Variants in NELL1 observed in about 807,000 individuals in gnomAD.
The protein encoded by NELL1 is protein kinase C-binding protein NELL1.
Under a neutral mutation model 107.4 loss-of-function variants are expected in NELL1, and 76 were observed. That is an observed-to-expected ratio of 0.71 (90% CI 0.59 to 0.86). The LOEUF is 0.86. NELL1 is among the 40% of genes least tolerant of loss of function. NELL1 has a pLI of 0.00. For missense variants in NELL1, 1,024 were observed against 1,005.5 expected, an observed-to-expected ratio of 1.02 and a Z score of -0.25; for synonymous variants, 353 against 341.2, an observed-to-expected ratio of 1.03 and a Z score of -0.38.
intron 2 of NELL1, among the ~76,000 whole-genome samples, chr11:20,721,531 A>G (rs1855388599): frequency 6.6e-6 from 1 of 152,144 alleles, no homozygotes; most frequent in Admixed American, 6.6e-5. Context: ...ACTGGCATTT[A>G]AAGCTACTGC....
intron 15 of NELL1, among the ~76,000 whole-genome samples, chr11:21,486,185 T>C (rs935533021): frequency 3.9e-5 from 6 of 152,070 alleles, no homozygotes; most frequent in Non-Finnish European, 1.5e-5. Flanking sequence ...CTGCCTGGAC[T>C]TACGAACACT....
At chr11:20,984,872 C>A (rs538138060) in intron 12 of NELL1, among the ~76,000 whole-genome samples, 1 of 152,152 alleles carries the variant, frequency 6.6e-6, no homozygotes, top group East Asian at 1.9e-4. Context: ...CTTAGAGTCC[C>A]CAAATAGCAT....
chr11:20,879,913 T>C (rs1486735592), intron 4 of NELL1, among the ~76,000 whole-genome samples: 1 of 152,180 alleles, frequency 6.6e-6, no homozygotes, highest in Non-Finnish European at 1.5e-5. Context: ...TTAGGATTCA[T>C]AGAAAGTATA....
intron 15 of NELL1, among the ~76,000 whole-genome samples, chr11:21,410,205 AAAAC>A (rs1852341697): frequency 1.3e-5 from 2 of 152,202 alleles, no homozygotes; most frequent in East Asian, 3.9e-4. Context: ...TAGACACAAA[AAAAC>A]AAACCTGTTT....
At chr11:20,921,284 C>T (rs1203593476) in intron 7 of NELL1, among the ~76,000 whole-genome samples, 2 of 152,242 alleles carry the variant, frequency 1.3e-5, no homozygotes, top group East Asian at 3.9e-4. Flanking sequence ...GTCAGTAATA[C>T]AAGCATTTAC....
intron 14 of NELL1, among the ~76,000 whole-genome samples, chr11:21,320,667 C>T (rs1299410809): frequency 6.6e-6 from 1 of 152,174 alleles, no homozygotes. Flanking sequence ...GAATCTCTGA[C>T]TCTTCCAAAT....
At chr11:21,526,330 G>A (rs1855854261) in intron 15 of NELL1, among the ~76,000 whole-genome samples, 3 of 152,218 alleles carry the variant, frequency 2.0e-5, no homozygotes, top group Admixed American at 2.0e-4. Flanking sequence ...CGCCACTGTG[G>A]CTTTGCAGGG....
chr11:21,573,015 A>G (rs1564967948), intron 18 of NELL1, among the ~76,000 whole-genome samples, 170 bp from the exon 19 acceptor site: 1 of 151,902 alleles, frequency 6.6e-6, no homozygotes, highest in Non-Finnish European at 1.5e-5. Flanking sequence ...TTCTGAAAGA[A>G]GTGAGACCTG....
intron 15 of NELL1, among the ~76,000 whole-genome samples, chr11:21,512,103 T>C (rs371303466): frequency 6.6e-5 from 10 of 152,296 alleles, no homozygotes; most frequent in African/African-American, 2.4e-4. Flanking sequence ...CTGTCTTAGC[T>C]GGAACATGGC....
intron 7 of NELL1, 94 bp downstream of exon 7, chr11:20,919,428 T>G: frequency 1.3e-6 from 1 of 749,586 alleles, no homozygotes. Flanking sequence ...ATTTTTAGCC[T>G]CGGCATCTGC....
At chr11:20,721,158 T>G (rs1163786446) in intron 2 of NELL1, among the ~76,000 whole-genome samples, 2 of 141,748 alleles carry the variant, frequency 1.4e-5, no homozygotes, top group African/African-American at 5.3e-5. Flanking sequence ...CAGAAACCAA[T>G]GAGATATAGA....
intron 15 of NELL1, among the ~76,000 whole-genome samples, chr11:21,371,604 T>C (rs914392280): frequency 6.6e-6 from 1 of 152,114 alleles, no homozygotes; most frequent in Non-Finnish European, 1.5e-5. Flanking sequence ...TGATGTTCAA[T>C]GCCAATGTAT....
intron 17 of NELL1, among the ~76,000 whole-genome samples, chr11:21,566,851 C>T (rs539707981): frequency 9.2e-4 from 140 of 151,832 alleles, no homozygotes; most frequent in African/African-American, 3.2e-3. Context: ...TGACAGTTAC[C>T]CTGTAATTCA....
intron 14 of NELL1, among the ~76,000 whole-genome samples, chr11:21,308,687 A>C (rs1389255620): frequency 6.6e-6 from 1 of 152,026 alleles, no homozygotes; most frequent in Non-Finnish European, 1.5e-5. Context: ...CCAATTCACT[A>C]TCAATTCTTC....
intron 2 of NELL1, among the ~76,000 whole-genome samples, chr11:20,763,090 A>G (rs1364250912): frequency 1.3e-5 from 2 of 152,144 alleles, no homozygotes; most frequent in African/African-American, 4.8e-5. Context: ...TTATTGACTA[A>G]CTTACCCGGA....
At chr11:21,071,183 T>C (rs1359497652) in intron 12 of NELL1, among the ~76,000 whole-genome samples, 2 of 152,178 alleles carry the variant, frequency 1.3e-5, no homozygotes, top group Non-Finnish European at 2.9e-5. Flanking sequence ...ATTTGCAAAA[T>C]ATAAATAGTA....
chr11:21,199,785 T>G lies in NELL1; in HGVS notation c.1427-29547T>G, dbSNP rs1590726734. 6.9e-5 allele frequency among the ~76,000 whole-genome samples: 4 copies of G among 57,964 alleles called. No homozygotes were observed. The South Asian group carries it at 4.0e-3, about 58-fold the overall frequency. The allele number at this position is 57,964 out of a possible 152,430, so 38.0% of individuals were successfully genotyped here. A position where few individuals can be genotyped will look rare whatever the true frequency, so the allele number is the denominator to read the frequency against. On this transcript the variant is annotated intron_variant, in intron 13 of 19. Coordinates refer to ENST00000357134, the MANE Select transcript of NELL1 (RefSeq NM_006157.5). ...CTACATTAGGTATTTCTCCTAATGC[T>G]ATCCCTCCCCAGCCCCCCACCCCCC...
At chr11:21,542,674 A>G (rs1856320273) in intron 16 of NELL1, among the ~76,000 whole-genome samples, 1 of 152,038 alleles carries the variant, frequency 6.6e-6, no homozygotes, top group Non-Finnish European at 1.5e-5. Flanking sequence ...AAATCCAGAG[A>G]AGAAAAAGGA....
At chr11:21,442,466 G>A (rs1853310329) in intron 15 of NELL1, among the ~76,000 whole-genome samples, 2 of 152,050 alleles carry the variant, frequency 1.3e-5, no homozygotes, top group South Asian at 4.2e-4. Context: ...CTAAAGGATA[G>A]GTCAGCAGGA....
Sources: allele counts gnomAD v4.1 joint callset (sites outside exome capture counted in the v4.1 genomes callset), GRCh38; gene constraint gnomAD v4.1.1; transcripts MANE v1.5; gene names NCBI Gene and HGNC (gene_info 2026-07-23, HGNC 2026-07-21).